CFAP100: variants seen among roughly 807,000 people sequenced by gnomAD.
CFAP100 encodes the protein cilia and flagella associated protein 100.
Under a neutral mutation model 81.5 loss-of-function variants are expected in CFAP100, and 70 were observed. The observed-to-expected ratio is 0.86, with a 90% CI of 0.71 to 1.05. The LOEUF (loss-of-function observed/expected upper bound fraction) is 1.05, where lower values mean the gene tolerates loss of function less well. Ranked by LOEUF, CFAP100 falls within the 50% of genes least tolerant of loss-of-function variation. The pLI is 0.00. For synonymous variants in CFAP100, 341 were observed against 314.8 expected, an observed-to-expected ratio of 1.08 and a Z score of -0.88; for missense variants, 811 against 776.5, an observed-to-expected ratio of 1.04 and a Z score of -0.53.
Position 126,429,107 on chromosome 3 carries a change from CAAAAAA to C in CFAP100, c.1287-3940_1287-3935del, listed in dbSNP as rs57773311. Among the ~76,000 whole-genome samples, 226 of 95,754 alleles carry C rather than the reference CAAAAAA, an allele frequency of 2.4e-3. 2 individuals are homozygous for C. The highest frequency in any genetic ancestry group is 7.9e-3 in the African/African-American group (192 of 24,192). 62.8% of individuals were successfully genotyped at this position (95,754 alleles called of 152,430 possible). ...CTGGGTGATAGAGTGCGTCTCCATC[CAAAAAA>C]AAAAAAAAAAAAAAAAAAAAAGAAA... is the stretch of plus-strand genomic sequence containing the variant. On this transcript the variant is annotated intron_variant, in intron 13 of 16. Coordinates refer to ENST00000352312, the MANE Select transcript of CFAP100 (RefSeq NM_182628.3).
At chr3:126,433,730 C>G (rs1300336015) in intron 14 of CFAP100, 1 of 189,172 alleles carries the variant, frequency 5.3e-6, no homozygotes, top group African/African-American at 2.4e-5. Context: ...GCTCCCGATA[C>G]AGCCAGAATC....
chr3:126,407,284 G>A (rs1415935973), intron 3 of CFAP100, 32 bp downstream of exon 3: 3 of 1,530,456 alleles, frequency 2.0e-6, no homozygotes, highest in Non-Finnish European at 2.7e-6. Context: ...TAAAGTCCAA[G>A]TTGGCAGGAG....
chr3:126,407,098 G>A (rs1413214533), intron 2 of CFAP100, 74 bp from the exon 3 acceptor site: 42 of 1,007,076 alleles, frequency 4.2e-5, no homozygotes, highest in South Asian at 2.8e-4. Context: ...GACATTCCCC[G>A]CCTCAGGCTG....
intron 2 of CFAP100, among the ~76,000 whole-genome samples, chr3:126,405,668 A>C (rs986672946): frequency 1.9e-4 from 29 of 152,152 alleles, no homozygotes; most frequent in African/African-American, 6.8e-4. Context: ...ATCTCAAAAT[A>C]AATAAATAAA....
rs1933454828 is a variant in CFAP100, at chr3:126,436,543, C to G, written c.*139C>G. Reference sequence around the variant, plus strand: ...GCTCCCTTCCTCACCTGAATAAATTCATGTCTCTCTGGAGTCTTGAAGGCC... The same window carrying G: ...GCTCCCTTCCTCACCTGAATAAATTGATGTCTCTCTGGAGTCTTGAAGGCC... On this transcript the variant is annotated 3_prime_UTR_variant, in exon 17 of 17. Coordinates refer to ENST00000352312, the MANE Select transcript of CFAP100 (RefSeq NM_182628.3). 1 of 642,176 alleles carries G rather than the reference C, an allele frequency of 1.6e-6. No individual in the cohort carries two copies. The highest frequency in any genetic ancestry group is 1.8e-5 in the African/African-American group (1 of 55,030). The allele number at this position is 642,176 out of a possible 1,614,324, so 39.8% of individuals were successfully genotyped here.
chr3:126,407,576 G>A (rs1173671859), intron 3 of CFAP100, among the ~76,000 whole-genome samples: 1 of 129,708 alleles, frequency 7.7e-6, no homozygotes, highest in Non-Finnish European at 1.7e-5. Context: ...ACCACAATTA[G>A]GGCTTTCATG....
chr3:126,428,891 GAGGTC>G (rs1161685490), intron 13 of CFAP100, among the ~76,000 whole-genome samples: 1 of 152,024 alleles, frequency 6.6e-6, no homozygotes, highest in Non-Finnish European at 1.5e-5. Context: ...TGGATCATCT[GAGGTC>G]AGGAGTTCGA....
At chr3:126,421,945 G>A (rs1444866088) in intron 11 of CFAP100, among the ~76,000 whole-genome samples, 2 of 152,210 alleles carry the variant, frequency 1.3e-5, no homozygotes, top group Non-Finnish European at 1.5e-5. Context: ...AGCCTGCTCC[G>A]CCTAGGGCTC....
chr3:126,399,437 A>G (rs1318346734), intron 2 of CFAP100, among the ~76,000 whole-genome samples: 1 of 152,242 alleles, frequency 6.6e-6, no homozygotes, highest in Non-Finnish European at 1.5e-5. Context: ...TAAAAGACCC[A>G]GACTGAAAAG....
intron 3 of CFAP100, 90 bp downstream of exon 3, chr3:126,407,342 G>T (rs1403253175): frequency 2.7e-6 from 2 of 747,026 alleles, no homozygotes; most frequent in East Asian, 5.1e-5. Flanking sequence ...CAGGTCTCTA[G>T]AGCTAAGGGC....
At chr3:126,408,277 T>A (rs1025213649) in intron 3 of CFAP100, among the ~76,000 whole-genome samples, 1 of 152,090 alleles carries the variant, frequency 6.6e-6, no homozygotes, top group African/African-American at 2.4e-5. Flanking sequence ...AATAGGGGTG[T>A]TTCCACACAA....
chr3:126,410,319 C>T (rs2083135030), intron 3 of CFAP100, among the ~76,000 whole-genome samples: 1 of 152,210 alleles, frequency 6.6e-6, no homozygotes, highest in Non-Finnish European at 1.5e-5. Context: ...TCATGATATC[C>T]TCTGATTGTG....
intron 3 of CFAP100, among the ~76,000 whole-genome samples, chr3:126,413,029 T>C (rs1461677507): frequency 6.6e-6 from 1 of 152,242 alleles, no homozygotes; most frequent in Non-Finnish European, 1.5e-5. Context: ...TTTGGGAGCA[T>C]AAAGAATTTT....
chr3:126,415,430 C>A (rs1165426310), intron 4 of CFAP100, among the ~76,000 whole-genome samples: 3 of 152,052 alleles, frequency 2.0e-5, no homozygotes, highest in Non-Finnish European at 2.9e-5. Context: ...CCTCCCCCTC[C>A]CGACAGGGTC....
chr3:126,401,111 TC>T (rs1392007479), intron 2 of CFAP100, among the ~76,000 whole-genome samples: 1 of 151,438 alleles, frequency 6.6e-6, no homozygotes, highest in Non-Finnish European at 1.5e-5. Flanking sequence ...ATGATTCCGC[TC>T]ATATAAGTGA....
intron 2 of CFAP100, among the ~76,000 whole-genome samples, chr3:126,398,864 C>T (rs2082929311): frequency 2.0e-5 from 3 of 152,200 alleles, no homozygotes; most frequent in Admixed American, 2.0e-4. Flanking sequence ...GCACAGAGGG[C>T]CATGAGACGG....
chr3:126,410,831 AT>A (rs1465548275), intron 3 of CFAP100, among the ~76,000 whole-genome samples: 1 of 152,160 alleles, frequency 6.6e-6, no homozygotes, highest in Non-Finnish European at 1.5e-5. Context: ...ATCTGTATTT[AT>A]TTCCTATTGC....
chr3:126,401,064 T>C (rs1222003159), intron 2 of CFAP100, among the ~76,000 whole-genome samples: 9 of 152,184 alleles, frequency 5.9e-5, no homozygotes, highest in Admixed American at 5.2e-4. Context: ...AACCTTATGC[T>C]GGTGAAATTA....
At chr3:126,415,434 C>A (rs56053463) in intron 4 of CFAP100, among the ~76,000 whole-genome samples, 19,514 of 151,666 alleles carry the variant, frequency 0.13, 1,331 homozygotes, top group Non-Finnish European at 0.15. Flanking sequence ...CCCCTCCCGA[C>A]AGGGTCCCCC....
Sources: gnomAD v4.1 joint callset for allele counts (sites outside exome capture counted in the v4.1 genomes callset) on GRCh38, gnomAD v4.1.1 for gene constraint, MANE v1.5 for transcripts, NCBI Gene and HGNC (gene_info 2026-07-23, HGNC 2026-07-21) for gene names.